The following INTS8 variants were observed in gnomAD, a reference collection of about 807,000 sequenced individuals.
The protein encoded by INTS8 is integrator complex subunit 8, also known as protein kaonashi-1.
INTS8 carries 47 observed loss-of-function variants against 138.9 expected under a neutral mutation model. The observed-to-expected ratio is 0.34, with a 90% CI of 0.27 to 0.43. The LOEUF (loss-of-function observed/expected upper bound fraction) is 0.43, where lower values mean the gene tolerates loss of function less well. Ranked by LOEUF, INTS8 falls within the 20% of genes least tolerant of loss-of-function variation. INTS8 has a pLI of 1.00. For synonymous variants in INTS8, 392 were observed against 400.9 expected (o/e 0.98, Z 0.27); for missense variants, 996 against 1,173.0 (o/e 0.85, Z 2.20).
At chr8:94,829,888 A>G (rs1316619442) in intron 5 of INTS8, among the ~76,000 whole-genome samples, 2 of 152,174 alleles carry the variant, frequency 1.3e-5, no homozygotes, top group Non-Finnish European at 2.9e-5. Context: ...CTTTTATAAT[A>G]AATTACAGCA....
chr8:94,832,572 G>A (rs1814763502), intron 6 of INTS8, among the ~76,000 whole-genome samples: 1 of 152,096 alleles, frequency 6.6e-6, no homozygotes, highest in Non-Finnish European at 1.5e-5. Context: ...GGGATCTTAA[G>A]TTTGCCCTCT....
At position 94,861,533 on chromosome 8, in the gene INTS8, T is replaced by C. The variant is rs192312861; in HGVS notation, c.2076+1901T>C. Reference sequence around the variant, plus strand: ...GCCTTGGCCTCCCAAAGTGCTGGGATTACAGGCGTGAGCCATCGAGCCCGG... The same window carrying C: ...GCCTTGGCCTCCCAAAGTGCTGGGACTACAGGCGTGAGCCATCGAGCCCGG... On this transcript the variant is annotated intron_variant, in intron 16 of 26. Transcript: ENST00000523731. 5.0e-3 allele frequency among the ~76,000 whole-genome samples: 753 copies of C among 152,070 alleles called. 5 individuals are homozygous for C. Among genetic ancestry groups the C allele is most frequent in the African/African-American group, 0.017 (719 of 41,458 alleles).
At chr8:94,830,229 A>G in intron 5 of INTS8, among the ~76,000 whole-genome samples, 1 of 152,232 alleles carries the variant, frequency 6.6e-6, no homozygotes, top group Non-Finnish European at 1.5e-5. Flanking sequence ...TACATAATGG[A>G]AAATTAGAAA....
At chr8:94,834,362 G>GGTGT (rs35147334) in intron 6 of INTS8, among the ~76,000 whole-genome samples, 21,990 of 144,400 alleles carry the variant, frequency 0.15, 1,669 homozygotes, top group Middle Eastern at 0.22. Flanking sequence ...TATGTGCATG[G>GGTGT]GTGTGTGTGT....
At chr8:94,846,510 G>T (rs1815338445) in intron 10 of INTS8, among the ~76,000 whole-genome samples, 1 of 152,110 alleles carries the variant, frequency 6.6e-6, no homozygotes, top group Non-Finnish European at 1.5e-5. Flanking sequence ...CTGACCTCAG[G>T]CGATCCACCC....
At chr8:94,861,300 C>T (rs1158931887) in intron 16 of INTS8, among the ~76,000 whole-genome samples, 10 of 81,998 alleles carry the variant, frequency 1.2e-4, no homozygotes, top group Admixed American at 8.0e-4. Context: ...CTCGCTCTGT[C>T]GCCCAGGCTG....
Position 94,866,157 on chromosome 8 carries a change from G to A in INTS8, c.2262-1G>A. 1 of 1,260,978 alleles carries A rather than the reference G, an allele frequency of 7.9e-7. No individual in the cohort carries two copies. The highest frequency in any genetic ancestry group is 1.1e-6 in the Non-Finnish European group (1 of 883,574). The allele number at this position is 1,260,978 out of a possible 1,614,324, so 78.1% of individuals were successfully genotyped here. On this transcript the variant is annotated splice_acceptor_variant, in intron 17 of 26. Transcript: ENST00000523731. LOFTEE classifies it high-confidence loss of function. Reference sequence around the variant, plus strand: ...TGTATTCAAAAATTTTTGTTTTGTAGGAGTGAACTGCTTTCTTTTATCAAA... The same window carrying A: ...TGTATTCAAAAATTTTTGTTTTGTAAGAGTGAACTGCTTTCTTTTATCAAA...
Position 94,833,233 on chromosome 8 carries a change from T to C in INTS8, c.753+1059T>C, listed in dbSNP as rs1053702557. Among the ~76,000 whole-genome samples the C allele has an allele frequency of 3.9e-5, 6 of 152,290 alleles. No homozygotes were observed. The South Asian group carries it at 1.0e-3, about 26-fold the overall frequency. ...TTCTGGAAAGGGGTAAAAATAGTTA[T>C]GACAGTTTTGGGAAGGTGCGTTTTC... On this transcript the variant is annotated intron_variant, in intron 6 of 26. Coordinates refer to ENST00000523731, the MANE Select transcript of INTS8 (RefSeq NM_017864.4).
In INTS8 at chr8:94,881,450, G is replaced by C. The variant is rs2131093064; in HGVS notation, c.*1216G>C. 1 of 588,706 alleles carries C rather than the reference G, an allele frequency of 1.7e-6. No individual in the cohort carries two copies. Among genetic ancestry groups the C allele is most frequent in the Non-Finnish European group, 2.9e-6 (1 of 341,922 alleles). The allele number at this position is 588,706 out of a possible 1,614,324, so 36.5% of individuals were successfully genotyped here. ...TGCTGTTTCTTTAACAGCTAACATA[G>C]GAAATAATTAAATGTATTCTTTAGT... On this transcript the variant is annotated 3_prime_UTR_variant, in exon 27 of 27. Transcript: ENST00000523731.
rs548086905 is a variant in INTS8 at position 94,846,540 on chromosome 8, C to G, written c.1261-2922C>G. Among the ~76,000 whole-genome samples the G allele has an allele frequency of 2.6e-5, 4 of 152,324 alleles. No homozygotes were observed. In the South Asian group the frequency reaches 8.3e-4, roughly 32 times the overall value. On this transcript the variant is annotated intron_variant, in intron 10 of 26. Coordinates refer to ENST00000523731, the MANE Select transcript of INTS8 (RefSeq NM_017864.4). The stretch of plus-strand genomic sequence containing the variant: ...CCACCCGCCTCAGCCTCCCAGATTA[C>G]TGGGATTACAGGTGTGAGCCACCAC...
At chr8:94,833,583 C>T (rs927288006) in intron 6 of INTS8, among the ~76,000 whole-genome samples, 2 of 151,950 alleles carry the variant, frequency 1.3e-5, no homozygotes, top group African/African-American at 2.4e-5. Flanking sequence ...TTTCAGAACC[C>T]GTTTAAAAGT....
At chr8:94,865,280 A>T (rs529217105) in intron 16 of INTS8, among the ~76,000 whole-genome samples, 201 of 152,318 alleles carry the variant, frequency 1.3e-3, no homozygotes, top group Admixed American at 5.0e-3. Flanking sequence ...CTGTTCAGAA[A>T]CAAAGTTCGT....
chr8:94,865,225 C>A (rs1816134205), intron 16 of INTS8, among the ~76,000 whole-genome samples: 1 of 151,930 alleles, frequency 6.6e-6, no homozygotes, highest in Admixed American at 6.6e-5. Context: ...TAATAAATCA[C>A]CTATCTCTTT....
chr8:94,862,859 A>G (rs1439329946), intron 16 of INTS8, among the ~76,000 whole-genome samples: 2 of 151,782 alleles, frequency 1.3e-5, no homozygotes, highest in East Asian at 3.9e-4. Flanking sequence ...TGCACCACAC[A>G]CACACACGCA....
At position 94,876,121 on chromosome 8, in the gene INTS8, G is replaced by A. The variant is rs149744313; in HGVS notation, c.2736G>A (p.Ala912=). 113 of 1,610,930 alleles carry A rather than the reference G, an allele frequency of 7.0e-5. No homozygotes were observed. Among genetic ancestry groups the A allele is most frequent in the Non-Finnish European group, 8.5e-5 (100 of 1,177,536 alleles). ...TCAGAGAAATTGACTACAAAACAGC[G>A]TTTAAATCTCTGCAAGAACAAAACA... The part of the protein sequence containing the change: ...QFLREIDYKT[A]FKSLQEQNSH... Residue 912 remains alanine, a synonymous_variant, in exon 24 of 27, where the codon GCG becomes GCA. Coordinates refer to ENST00000523731, the MANE Select transcript of INTS8 (RefSeq NM_017864.4).
At chr8:94,836,969 T>C (rs376288585) in intron 7 of INTS8, among the ~76,000 whole-genome samples, 4 of 152,334 alleles carry the variant, frequency 2.6e-5, no homozygotes, top group East Asian at 3.9e-4. Flanking sequence ...ATTTCCCTTA[T>C]GTTTGGGCAT....
chr8:94,834,750 A>C (rs933868591), intron 6 of INTS8, among the ~76,000 whole-genome samples: 13 of 152,070 alleles, frequency 8.5e-5, no homozygotes, highest in Admixed American at 1.3e-4. Context: ...TGGACTAAAT[A>C]GTGCAAAGCA....
At chr8:94,841,345 G>T in intron 8 of INTS8, 146 bp from the exon 9 acceptor site, 2 of 467,984 alleles carry the variant, frequency 4.3e-6, no homozygotes, top group South Asian at 3.9e-5. Flanking sequence ...TCAAATTTTA[G>T]AATTTTAGGA....
chr8:94,859,581 C>T lies in INTS8; in HGVS notation c.2025C>T (p.Tyr675=), dbSNP rs776620266. ...TGTTAAACTGGAGAGAAAATGAATA[C>T]CTTACACTCCAAGTTCCTGCATTTT... ...AFMLNWRENE[Y]LTLQVPAFLL... is the part of the protein sequence containing the mutation. Residue 675 remains tyrosine (Y), a synonymous_variant, in exon 16 of 27, where the codon TAC becomes TAT. Coordinates refer to ENST00000523731, the MANE Select transcript of INTS8 (RefSeq NM_017864.4). 1.7e-5 allele frequency: 28 copies of T among 1,610,954 alleles called. No homozygotes were observed. The highest frequency in any genetic ancestry group is 1.2e-4 in the Admixed American group (7 of 59,988).
Sources: allele counts gnomAD v4.1 joint callset (sites outside exome capture counted in the v4.1 genomes callset), GRCh38; gene constraint gnomAD v4.1.1; transcripts MANE v1.5; gene names NCBI Gene and HGNC (gene_info 2026-07-23, HGNC 2026-07-21).